MACROD2: variants seen among roughly 807,000 people sequenced by gnomAD.
MACROD2 encodes the protein ADP-ribose glycohydrolase MACROD2.
Under a neutral mutation model 70.4 loss-of-function variants are expected in MACROD2, and 36 were observed. That is an observed-to-expected ratio of 0.51 (90% CI 0.39 to 0.68). The LOEUF (loss-of-function observed/expected upper bound fraction) is 0.68, where lower values mean the gene tolerates loss of function less well. Among genes scored for constraint, MACROD2 ranks in the 30% least tolerant of loss-of-function variants. MACROD2 has a pLI of 0.00. For missense variants in MACROD2, 496 were observed against 538.4 expected (o/e 0.92, Z 0.78); for synonymous variants, 172 against 178.8 (o/e 0.96, Z 0.30).
chr20:15,757,343 T>G (rs2051362423), intron 8 of MACROD2, among the ~76,000 whole-genome samples: 2 of 151,890 alleles, frequency 1.3e-5, no homozygotes, highest in Non-Finnish European at 2.9e-5. Context: ...CCATCTCATT[T>G]TGCAAAGTTA....
At chr20:15,851,112 A>G (rs2064293419) in intron 8 of MACROD2, among the ~76,000 whole-genome samples, 1 of 152,108 alleles carries the variant, frequency 6.6e-6, no homozygotes, top group South Asian at 2.1e-4. Flanking sequence ...GTCCTAGGTC[A>G]AGTGTCCATG....
At chr20:14,042,395 C>A (rs1046327437) in intron 2 of MACROD2, among the ~76,000 whole-genome samples, 1 of 152,128 alleles carries the variant, frequency 6.6e-6, no homozygotes, top group South Asian at 2.1e-4. Flanking sequence ...TTCATACTCA[C>A]CAATTAACAC....
chr20:15,755,366 G>T (rs1303392345), intron 8 of MACROD2, among the ~76,000 whole-genome samples: 2 of 152,184 alleles, frequency 1.3e-5, no homozygotes, highest in Non-Finnish European at 2.9e-5. Context: ...AATGTAAGAA[G>T]AAGTTTAAAT....
chr20:15,109,912 A>C (rs1176223779), intron 5 of MACROD2, among the ~76,000 whole-genome samples: 1 of 152,010 alleles, frequency 6.6e-6, no homozygotes, highest in Admixed American at 6.6e-5. Flanking sequence ...GCCGTTTTGT[A>C]TTTGGGAGAT....
chr20:14,626,120 G>A (rs1202127102), intron 4 of MACROD2, among the ~76,000 whole-genome samples: 1 of 152,076 alleles, frequency 6.6e-6, no homozygotes, highest in Non-Finnish European at 1.5e-5. Flanking sequence ...CACTGTACCT[G>A]ACCAAGTTTC....
At chr20:14,525,652 G>T (rs1344631822) in intron 4 of MACROD2, among the ~76,000 whole-genome samples, 1 of 152,212 alleles carries the variant, frequency 6.6e-6, no homozygotes, top group Non-Finnish European at 1.5e-5. Flanking sequence ...TACCACGCTG[G>T]TGTGTCTATT....
intron 17 of MACROD2, 38 bp downstream of exon 17, chr20:16,044,677 C>G: frequency 6.4e-7 from 1 of 1,564,874 alleles, no homozygotes; most frequent in Non-Finnish European, 8.8e-7. Context: ...CAATGATCAA[C>G]CAGCCATAAG....
intron 4 of MACROD2, among the ~76,000 whole-genome samples, chr20:14,619,795 C>T (rs775675667): frequency 7.2e-5 from 11 of 152,090 alleles, no homozygotes; most frequent in Non-Finnish European, 1.6e-4. Flanking sequence ...TGCAGAATCT[C>T]AGCGCTTAAA....
chr20:15,067,289 T>C (rs1302412501), intron 5 of MACROD2, among the ~76,000 whole-genome samples: 1 of 152,234 alleles, frequency 6.6e-6, no homozygotes, highest in African/African-American at 2.4e-5. Flanking sequence ...TATTATTATA[T>C]GTATAAAGAC....
chr20:14,925,338 A>G (rs73090001), intron 5 of MACROD2, among the ~76,000 whole-genome samples: 23,894 of 152,150 alleles, frequency 0.16, 2,052 homozygotes, highest in Non-Finnish European at 0.19. Flanking sequence ...GACTGATCTT[A>G]GTTTCAGAAA....
intron 5 of MACROD2, among the ~76,000 whole-genome samples, chr20:14,802,709 T>C (rs1036273162): frequency 6.6e-6 from 1 of 152,006 alleles, no homozygotes; most frequent in African/African-American, 2.4e-5. Context: ...AATGATTATC[T>C]CTCGTGTGTC....
intron 3 of MACROD2, among the ~76,000 whole-genome samples, chr20:14,119,501 T>C (rs1270923860): frequency 1.3e-5 from 2 of 152,128 alleles, no homozygotes; most frequent in African/African-American, 2.4e-5. Flanking sequence ...ATCCACATTA[T>C]TGGTCACTGT....
chr20:15,017,632 C>T (rs147774578), intron 5 of MACROD2, among the ~76,000 whole-genome samples: 3 of 152,232 alleles, frequency 2.0e-5, no homozygotes, highest in African/African-American at 7.2e-5. Context: ...CATGAGGGCA[C>T]CACCCCTGCA....
intron 6 of MACROD2, among the ~76,000 whole-genome samples, chr20:15,296,062 A>G (rs2077585355): frequency 6.6e-6 from 1 of 152,120 alleles, no homozygotes; most frequent in African/African-American, 2.4e-5. Flanking sequence ...CTTGCAACAT[A>G]TTTTCATACT....
At chr20:16,027,800 TG>T (rs1436049554) in intron 15 of MACROD2, among the ~76,000 whole-genome samples, 1 of 152,106 alleles carries the variant, frequency 6.6e-6, no homozygotes. Context: ...AGGTGCATGA[TG>T]GGGTGGAGGG....
chr20:15,553,394 A>G (rs2048123856), intron 8 of MACROD2, among the ~76,000 whole-genome samples: 2 of 152,172 alleles, frequency 1.3e-5, no homozygotes. Context: ...CTCAACATCT[A>G]GCACAAAACC....
chr20:14,353,957 A>C (rs1338659470), intron 3 of MACROD2, among the ~76,000 whole-genome samples: 3 of 152,164 alleles, frequency 2.0e-5, no homozygotes, highest in African/African-American at 7.2e-5. Flanking sequence ...GGAAGGAAGA[A>C]GGGGAAGGTG....
At chr20:16,012,074 T>C (rs2066870847) in intron 15 of MACROD2, among the ~76,000 whole-genome samples, 1 of 152,170 alleles carries the variant, frequency 6.6e-6, no homozygotes, top group South Asian at 2.1e-4. Context: ...GAAGAGATTC[T>C]CGGAGCCAGG....
intron 3 of MACROD2, among the ~76,000 whole-genome samples, chr20:14,175,250 T>C (rs1207511749): frequency 6.6e-6 from 1 of 152,300 alleles, no homozygotes; most frequent in East Asian, 1.9e-4. Context: ...CTTCTACTGC[T>C]CTTGTTTATG....
Sources: allele counts gnomAD v4.1 joint callset (sites outside exome capture counted in the v4.1 genomes callset), GRCh38; gene constraint gnomAD v4.1.1; transcripts MANE v1.5; gene names NCBI Gene and HGNC (gene_info 2026-07-23, HGNC 2026-07-21).